The following PCDHGA11 variants were observed in gnomAD, a reference collection of about 807,000 sequenced individuals.
The protein encoded by PCDHGA11 is protocadherin gamma-A11.
A neutral mutation model predicts 60.4 loss-of-function variants in PCDHGA11; 39 were observed. The observed-to-expected ratio is 0.65, with a 90% CI of 0.50 to 0.84. The LOEUF (loss-of-function observed/expected upper bound fraction) is 0.84. PCDHGA11 is among the 40% of genes least tolerant of loss of function. The pLI is 0.00. For synonymous variants in PCDHGA11, 533 were observed against 510.3 expected (o/e 1.04, Z -0.60); for missense variants, 1,165 against 1,197.7 (o/e 0.97, Z 0.40).
At position 141,428,173 on chromosome 5, in the gene PCDHGA11, C is replaced by T. The variant is rs192741775; in HGVS notation, c.2433+4513C>T. The T allele has an allele frequency of 3.3e-6, 5 of 1,514,730 alleles. No homozygotes were observed. In the East Asian group the frequency reaches 9.1e-5, roughly 28 times the overall value. 93.8% of individuals were successfully genotyped at this position (1,514,730 alleles called of 1,614,324 possible). A position where few individuals can be genotyped will look rare whatever the true frequency, so the allele number is the denominator to read the frequency against. On this transcript the variant is annotated intron_variant, in intron 1 of 3. Transcript: ENST00000398587. ...GGAACCTGCTGGTTGCTGTGCGTGA[C>T]GGAGGACAGCCGCCGCTCTCTGCGC... is the stretch of plus-strand genomic sequence containing the variant.
intron 1 of PCDHGA11, among the ~76,000 whole-genome samples, chr5:141,481,950 T>C (rs1378337886): frequency 2.7e-5 from 4 of 146,216 alleles, no homozygotes; most frequent in Admixed American, 1.4e-4. Flanking sequence ...CCAGATGTGG[T>C]GGCAGGTGCC....
Position 141,421,092 on chromosome 5 carries a change from C to T in PCDHGA11, c.-136C>T. ...TGAGATGGATACTCACAGATCCTGA[C>T]ACTGGAGACTTAGAAGTATTTTCCT... On this transcript the variant is annotated 5_prime_UTR_variant, in exon 1 of 4. Coordinates refer to ENST00000398587, the MANE Select transcript of PCDHGA11 (RefSeq NM_018914.3). 1.5e-6 allele frequency: 1 copy of T among 663,988 alleles called. No individual in the cohort carries two copies. The highest frequency in any genetic ancestry group is 2.5e-6 in the Non-Finnish European group (1 of 400,114). The allele number at this position is 663,988 out of a possible 1,614,324, so 41.1% of individuals were successfully genotyped here. A position where few individuals can be genotyped will look rare whatever the true frequency, so the allele number is the denominator to read the frequency against.
intron 1 of PCDHGA11, among the ~76,000 whole-genome samples, chr5:141,456,266 C>G (rs1273258132): frequency 6.6e-6 from 1 of 152,128 alleles, no homozygotes; most frequent in Non-Finnish European, 1.5e-5. Context: ...TTGCTTCTGG[C>G]TACTTCCTGC....
chr5:141,490,010 T>C lies in PCDHGA11; in HGVS notation c.2434-4797T>C, dbSNP rs749356078. On this transcript the variant is annotated intron_variant, in intron 1 of 3. Coordinates refer to ENST00000398587, the MANE Select transcript of PCDHGA11 (RefSeq NM_018914.3). The surrounding 1 kb of genome is among the most constrained non-coding windows in gnomAD (Gnocchi z 5.4). ...GTGGGAATCCCAGAGAATGCACCCA[T>C]TGGTACTCTGCTGCTCCGCCTCAAT... 11 of 1,614,198 alleles carry C rather than the reference T, an allele frequency of 6.8e-6. No homozygotes were observed. The highest frequency in any genetic ancestry group is 2.2e-5 in the South Asian group (2 of 91,082).
intron 2 of PCDHGA11, among the ~76,000 whole-genome samples, chr5:141,496,467 TC>T (rs1289225541): frequency 1.3e-5 from 2 of 152,176 alleles, no homozygotes; most frequent in Admixed American, 1.3e-4. Flanking sequence ...GAGTTATCTT[TC>T]CCCCATCCTG....
intron 1 of PCDHGA11, among the ~76,000 whole-genome samples, chr5:141,470,600 G>A (rs890975756): frequency 4.6e-5 from 7 of 152,142 alleles, no homozygotes; most frequent in South Asian, 2.1e-4. Context: ...CGACCTGTGC[G>A]GGGACACAGG....
intron 1 of PCDHGA11, among the ~76,000 whole-genome samples, chr5:141,463,177 A>G (rs914982793): frequency 2.6e-5 from 4 of 152,250 alleles, no homozygotes; most frequent in Admixed American, 2.6e-4. Context: ...ATGTATGCTC[A>G]GATTATTATT....
At chr5:141,480,763 A>G (rs541754723) in intron 1 of PCDHGA11, among the ~76,000 whole-genome samples, 1 of 152,308 alleles carries the variant, frequency 6.6e-6, no homozygotes, top group East Asian at 1.9e-4. Flanking sequence ...GAAGGTCCCC[A>G]CTTGATCCTA....
At chr5:141,484,866 C>T in intron 1 of PCDHGA11, 1 of 275,618 alleles carries the variant, frequency 3.6e-6, no homozygotes, top group Non-Finnish European at 6.8e-6. Flanking sequence ...GGTGGGGGAG[C>T]GTGGAGGATA....
chr5:141,504,510 C>T (rs2099838864), intron 2 of PCDHGA11, among the ~76,000 whole-genome samples: 1 of 151,952 alleles, frequency 6.6e-6, no homozygotes, highest in Non-Finnish European at 1.5e-5. Context: ...GAGTGGATCT[C>T]CTCTGATATA....
At chr5:141,454,181 G>A (rs1290295830) in intron 1 of PCDHGA11, among the ~76,000 whole-genome samples, 1 of 152,200 alleles carries the variant, frequency 6.6e-6, no homozygotes, top group Non-Finnish European at 1.5e-5. Context: ...GCAGCTAAAG[G>A]AGCTTAGTGA....
Position 141,512,040 on chromosome 5 carries a change from A to G in PCDHGA11, c.*867A>G, listed in dbSNP as rs775766584. 1.3e-5 allele frequency: 2 copies of G among 152,838 alleles called. No homozygotes were observed. The highest frequency in any genetic ancestry group is 2.9e-5 in the Non-Finnish European group (2 of 68,198). 9.5% of individuals were successfully genotyped at this position (152,838 alleles called of 1,614,324 possible). A position where few individuals can be genotyped will look rare whatever the true frequency, so the allele number is the denominator to read the frequency against. ...ATCAAGGCCTTGGAGGAGGCTCTGT[A>G]TGTCCTCAGGGGACTGACAACATCC... On this transcript the variant is annotated 3_prime_UTR_variant, in exon 4 of 4. Coordinates refer to ENST00000398587, the MANE Select transcript of PCDHGA11 (RefSeq NM_018914.3).
Position 141,432,226 on chromosome 5 carries a change from T to C in PCDHGA11, c.2433+8566T>C. On this transcript the variant is annotated intron_variant, in intron 1 of 3. Coordinates refer to ENST00000398587, the MANE Select transcript of PCDHGA11 (RefSeq NM_018914.3). The surrounding 1 kb of genome is among the most constrained non-coding windows in gnomAD (Gnocchi z 6.0). ...GTGAAGAGAACGCCCAGATCACTTATTCCCTGGCTGAGAACACCATCCAAG... is the reference window on the plus strand; with the variant it reads ...GTGAAGAGAACGCCCAGATCACTTACTCCCTGGCTGAGAACACCATCCAAG... 4 of 1,614,198 alleles carry C rather than the reference T, an allele frequency of 2.5e-6. No individual in the cohort carries two copies. The highest frequency in any genetic ancestry group is 3.4e-6 in the Non-Finnish European group (4 of 1,180,028).
chr5:141,481,868 C>A (rs983373194), intron 1 of PCDHGA11, among the ~76,000 whole-genome samples: 4 of 147,412 alleles, frequency 2.7e-5, no homozygotes, highest in African/African-American at 1.0e-4. Flanking sequence ...GAGCCGAGAT[C>A]GCGCCACTGC....
At chr5:141,509,782 C>A (rs2099878218) in intron 3 of PCDHGA11, among the ~76,000 whole-genome samples, 1 of 152,144 alleles carries the variant, frequency 6.6e-6, no homozygotes, top group Admixed American at 6.5e-5. Context: ...TCCCCGAGAT[C>A]ATCATCTCCT....
chr5:141,423,897 T>G, intron 1 of PCDHGA11: 7 of 1,278,866 alleles, frequency 5.5e-6, no homozygotes, highest in Non-Finnish European at 6.9e-6. Flanking sequence ...TTTCTTTTGA[T>G]TTCAAAGGGG....
chr5:141,485,768 C>G lies in PCDHGA11; in HGVS notation c.2434-9039C>G. ...GGTCCCAGAGCTGCTCCTGGAGAAG[C>G]CTTTGGATCGAGAGAAGCAATCGGA... On this transcript the variant is annotated intron_variant, in intron 1 of 3. Coordinates refer to ENST00000398587, the MANE Select transcript of PCDHGA11 (RefSeq NM_018914.3). The surrounding 1 kb of genome is among the most constrained non-coding windows in gnomAD (Gnocchi z 5.7). 5 of 1,614,192 alleles carry G rather than the reference C, an allele frequency of 3.1e-6. No homozygotes were observed. The South Asian group carries it at 3.3e-5, about 11-fold the overall frequency.
At chr5:141,428,185 G>A (rs775261215) in intron 1 of PCDHGA11, 1 of 1,446,348 alleles carries the variant, frequency 6.9e-7, no homozygotes, top group Admixed American at 1.8e-5. Context: ...GAGGACAGCC[G>A]CCGCTCTCTG....
Position 141,470,128 on chromosome 5 carries a change from CA to C in PCDHGA11, c.2434-24670del, listed in dbSNP as rs200356364. Among the ~76,000 whole-genome samples, 62 of 150,148 alleles carry C rather than the reference CA, an allele frequency of 4.1e-4. 1 individual carries two copies. Among genetic ancestry groups the C allele is most frequent in the Middle Eastern group, 3.4e-3 (1 of 294 alleles). On this transcript the variant is annotated intron_variant, in intron 1 of 3. Coordinates refer to ENST00000398587, the MANE Select transcript of PCDHGA11 (RefSeq NM_018914.3). ...TGAGCAACAGAGCAAGACTTCGTCTCAAAAAAAAAGATCATAGATCATCTTA... is the reference window on the plus strand; with the variant it reads ...TGAGCAACAGAGCAAGACTTCGTCTCAAAAAAAAGATCATAGATCATCTTA...
Sources: allele counts gnomAD v4.1 joint callset (sites outside exome capture counted in the v4.1 genomes callset), GRCh38; gene constraint gnomAD v4.1.1; non-coding constraint Gnocchi (gnomAD v3.1); transcripts MANE v1.5; gene names NCBI Gene and HGNC (gene_info 2026-07-23, HGNC 2026-07-21).